The following NCK2 variants were observed in gnomAD, a reference collection of about 807,000 sequenced individuals.
NCK2 encodes the protein NCK adaptor protein 2, also known as cytoplasmic protein NCK2.
A neutral mutation model predicts 33.9 loss-of-function variants in NCK2; 16 were observed. The ratio of observed to expected loss-of-function variants is 0.47; its 90% CI spans 0.32 to 0.72. The LOEUF is 0.72. Ranked by LOEUF, NCK2 falls within the 30% of genes least tolerant of loss-of-function variation. The probability of loss-of-function intolerance (pLI) is 0.03; values close to 1 mark genes in which losing one functional copy is unlikely to be tolerated. For missense variants in NCK2, 418 were observed against 537.3 expected (o/e 0.78, Z 2.19); for synonymous variants, 273 against 239.9 (o/e 1.14, Z -1.27).
chr2:105,860,995 C>CT (rs1458614213), intron 3 of NCK2, among the ~76,000 whole-genome samples: 1 of 151,830 alleles, frequency 6.6e-6, no homozygotes, highest in Admixed American at 6.6e-5. Context: ...AAAGAAGGGA[C>CT]TTGGGGCAGG....
In NCK2 at chr2:105,811,856, G is replaced by A. The variant is rs185182178; in HGVS notation, c.-200-4574G>A. On this transcript the variant is annotated intron_variant, in intron 1 of 4. Transcript: ENST00000233154. ...ACAGTTAATAGGGGTTTCGCCCATC[G>A]ATTGACCTACTGCTTGCTATTTCCT... 8.5e-4 allele frequency among the ~76,000 whole-genome samples: 129 copies of A among 152,194 alleles called. 2 individuals are homozygous for A. The East Asian group carries it at 0.017, about 20-fold the overall frequency.
At chr2:105,823,858 A>C (rs945265554) in intron 2 of NCK2, among the ~76,000 whole-genome samples, 1 of 152,046 alleles carries the variant, frequency 6.6e-6, no homozygotes, top group African/African-American at 2.4e-5. Flanking sequence ...GGATGATCCT[A>C]ATTATGAATC....
intron 3 of NCK2, among the ~76,000 whole-genome samples, chr2:105,863,989 CTT>C (rs1677649010): frequency 6.9e-6 from 1 of 144,048 alleles, no homozygotes; most frequent in Non-Finnish European, 1.6e-5. Flanking sequence ...TGGGGTCTCA[CTT>C]GAGGGATGCA....
intron 3 of NCK2, 27 bp downstream of exon 3, chr2:105,855,316 A>G: frequency 6.5e-7 from 1 of 1,531,836 alleles, no homozygotes; most frequent in South Asian, 1.2e-5. Flanking sequence ...CGAGAGAGGA[A>G]GCCTTGTGCA....
At chr2:105,791,029 C>G (rs1690863724) in intron 1 of NCK2, among the ~76,000 whole-genome samples, 1 of 152,162 alleles carries the variant, frequency 6.6e-6, no homozygotes. Context: ...GTTGTCCGCT[C>G]CCACTCAGGA....
At chr2:105,747,395 CT>C (rs1218862129) in intron 1 of NCK2, among the ~76,000 whole-genome samples, 3 of 152,152 alleles carry the variant, frequency 2.0e-5, no homozygotes, top group Non-Finnish European at 4.4e-5. Flanking sequence ...CACTGGAGTC[CT>C]TTACTTGATC....
At chr2:105,878,297 G>A (rs1401855005) in intron 3 of NCK2, among the ~76,000 whole-genome samples, 1 of 152,220 alleles carries the variant, frequency 6.6e-6, no homozygotes, top group Non-Finnish European at 1.5e-5. Flanking sequence ...AAATTCATAC[G>A]AAGTCCCAAT....
intron 1 of NCK2, among the ~76,000 whole-genome samples, chr2:105,756,397 T>G (rs1689600023): frequency 1.3e-5 from 2 of 152,230 alleles, no homozygotes; most frequent in African/African-American, 2.4e-5. Flanking sequence ...CTGTGAGAAA[T>G]TAATAGTAAT....
intron 1 of NCK2, among the ~76,000 whole-genome samples, chr2:105,748,632 G>A (rs940911919): frequency 1.3e-5 from 2 of 151,904 alleles, no homozygotes; most frequent in Admixed American, 6.6e-5. Flanking sequence ...TGCCAAGGCT[G>A]GTCTCAAACT....
At chr2:105,823,978 G>A (rs1029010018) in intron 2 of NCK2, among the ~76,000 whole-genome samples, 3 of 152,118 alleles carry the variant, frequency 2.0e-5, no homozygotes, top group Admixed American at 6.5e-5. Flanking sequence ...CCTGGCCGGC[G>A]TGAACTCCAA....
chr2:105,857,349 C>G (rs976850311), intron 3 of NCK2, among the ~76,000 whole-genome samples: 3 of 152,262 alleles, frequency 2.0e-5, no homozygotes, highest in Non-Finnish European at 4.4e-5. Flanking sequence ...CGCCCGTCCC[C>G]GACAGATGGC....
At chr2:105,846,795 T>C (rs577880895) in intron 2 of NCK2, 23 of 152,276 alleles carry the variant, frequency 1.5e-4, no homozygotes, top group African/African-American at 4.8e-4. Flanking sequence ...AGAATTACCA[T>C]ATGACCCAGC....
intron 2 of NCK2, chr2:105,854,062 T>C (rs921646043): frequency 7.2e-5 from 11 of 152,168 alleles, no homozygotes; most frequent in Non-Finnish European, 1.5e-4. Flanking sequence ...TCAAAGGAAT[T>C]TGGCTGAAGT....
rs1353009090 is a variant in NCK2 at position 105,794,355 on chromosome 2, T to A, written c.-200-22075T>A. ...GCATGCGCCACCATGCCTGGCTGAA[T>A]CCTTTGATTTTATATTTCCTTTATG... On this transcript the variant is annotated intron_variant, in intron 1 of 4. Transcript: ENST00000233154. 2.0e-5 allele frequency among the ~76,000 whole-genome samples: 3 copies of A among 152,146 alleles called. No homozygotes were observed. The South Asian group carries it at 6.2e-4, about 31-fold the overall frequency.
At chr2:105,770,030 T>C (rs1347461985) in intron 1 of NCK2, among the ~76,000 whole-genome samples, 1 of 151,040 alleles carries the variant, frequency 6.6e-6, no homozygotes. Flanking sequence ...TTGTGCAGAG[T>C]ACAGTGAGTC....
rs137864448 is a variant in NCK2 at position 105,815,985 on chromosome 2, T to G, written c.-200-445T>G. Among the ~76,000 whole-genome samples the G allele has an allele frequency of 2.5e-3, 381 of 152,254 alleles. 3 individuals carry two copies. The highest frequency in any genetic ancestry group is 3.9e-3 in the Non-Finnish European group (267 of 68,006). On this transcript the variant is annotated intron_variant, in intron 1 of 4. Coordinates refer to ENST00000233154, the MANE Select transcript of NCK2 (RefSeq NM_003581.5). ...TGTTCCCCCACACCCCATCACCTCC[T>G]TCCACCTGCTGTTCACCGGGTGTGT... is the stretch of plus-strand genomic sequence containing the variant.
At chr2:105,879,807 A>G (rs1057232741) in intron 3 of NCK2, among the ~76,000 whole-genome samples, 1 of 152,250 alleles carries the variant, frequency 6.6e-6, no homozygotes, top group African/African-American at 2.4e-5. Flanking sequence ...AGTAATTCTT[A>G]GGACTGATCG....
At chr2:105,880,131 C>A (rs1678412071) in intron 3 of NCK2, among the ~76,000 whole-genome samples, 1 of 152,198 alleles carries the variant, frequency 6.6e-6, no homozygotes, top group Admixed American at 6.5e-5. Context: ...TTTCCTCATG[C>A]ACAGGAAGAA....
intron 1 of NCK2, among the ~76,000 whole-genome samples, chr2:105,809,923 G>T (rs999044391): frequency 6.6e-6 from 1 of 152,170 alleles, no homozygotes; most frequent in Non-Finnish European, 1.5e-5. Context: ...ACACTGAGGG[G>T]GAGAGGGCAG....
Sources: gnomAD v4.1 joint callset for allele counts (sites outside exome capture counted in the v4.1 genomes callset) on GRCh38, gnomAD v4.1.1 for gene constraint, MANE v1.5 for transcripts, NCBI Gene and HGNC (gene_info 2026-07-23, HGNC 2026-07-21) for gene names.